TRABD2B: variants seen among roughly 807,000 people sequenced by gnomAD.
TRABD2B encodes metalloprotease TIKI2.
Under a neutral mutation model 40.1 loss-of-function variants are expected in TRABD2B, and 14 were observed. That is an observed-to-expected ratio of 0.35 (90% confidence interval 0.23 to 0.55). TRABD2B has a LOEUF of 0.55. Among genes scored for constraint, TRABD2B ranks in the 20% least tolerant of loss-of-function variants. TRABD2B has a pLI of 0.90. For synonymous variants in TRABD2B, 263 were observed against 277.0 expected (o/e 0.95, Z 0.50); for missense variants, 541 against 648.6 (o/e 0.83, Z 1.80).
Position 47,801,651 on chromosome 1 carries a change from T to C in TRABD2B, c.667-32A>G, listed in dbSNP as rs1381857265. Reference sequence around the variant, plus strand: ...CGAGGAAAGAGAGAGGAATGAGGGCTGTGCTCAGGGACCCTGGCTGAGCTC... The same window carrying C: ...CGAGGAAAGAGAGAGGAATGAGGGCCGTGCTCAGGGACCCTGGCTGAGCTC... On this transcript the variant is annotated intron_variant, in intron 2 of 6. Coordinates refer to ENST00000606738, the MANE Select transcript of TRABD2B (RefSeq NM_001194986.2). The C allele has an allele frequency of 2.6e-6, 4 of 1,532,206 alleles. No homozygotes were observed. The South Asian group carries it at 3.6e-5, about 14-fold the overall frequency. The allele number at this position is 1,532,206 out of a possible 1,614,324, so 94.9% of individuals were successfully genotyped here. A position where few individuals can be genotyped will look rare whatever the true frequency, so the allele number is the denominator to read the frequency against.
chr1:47,943,959 T>C (rs1645224061), intron 2 of TRABD2B, among the ~76,000 whole-genome samples: 1 of 152,194 alleles, frequency 6.6e-6, no homozygotes, highest in African/African-American at 2.4e-5. Context: ...ATGCTGACAA[T>C]AGTCATCTGA....
At chr1:47,787,953 C>A (rs1391751804) in intron 4 of TRABD2B, among the ~76,000 whole-genome samples, 1 of 152,110 alleles carries the variant, frequency 6.6e-6, no homozygotes, top group Non-Finnish European at 1.5e-5. Context: ...CCCAGCAGAA[C>A]AGAGGGCCCA....
intron 2 of TRABD2B, among the ~76,000 whole-genome samples, chr1:47,847,830 G>C (rs536732369): frequency 6.6e-6 from 1 of 152,136 alleles, no homozygotes; most frequent in East Asian, 1.9e-4. Flanking sequence ...TGTAGGAAAC[G>C]GCATATAAAA....
At chr1:47,976,264 C>T (rs565396105) in intron 2 of TRABD2B, among the ~76,000 whole-genome samples, 9 of 152,190 alleles carry the variant, frequency 5.9e-5, no homozygotes, top group Non-Finnish European at 1.2e-4. Context: ...CAACCTTCTA[C>T]CCCTTACACA....
intron 2 of TRABD2B, among the ~76,000 whole-genome samples, chr1:47,861,542 C>A (rs1375408251): frequency 6.6e-6 from 1 of 152,108 alleles, no homozygotes; most frequent in African/African-American, 2.4e-5. Context: ...TTGAAAGACC[C>A]ACAATCTGCC....
chr1:47,965,629 G>C (rs1645591528), intron 2 of TRABD2B, among the ~76,000 whole-genome samples: 1 of 152,168 alleles, frequency 6.6e-6, no homozygotes, highest in African/African-American at 2.4e-5. Context: ...TCTCTGACAA[G>C]GTGCCCAATA....
At chr1:47,794,534 A>C in intron 4 of TRABD2B, 52 bp downstream of exon 4, 2 of 1,468,944 alleles carry the variant, frequency 1.4e-6, no homozygotes, top group Non-Finnish European at 1.8e-6. Context: ...GGGAGAGCCA[A>C]GCAAATCTCC....
intron 2 of TRABD2B, among the ~76,000 whole-genome samples, chr1:47,962,085 C>T (rs2148406612): frequency 6.6e-6 from 1 of 152,116 alleles, no homozygotes; most frequent in East Asian, 1.9e-4. Context: ...AAGCTGGAAA[C>T]CATCATTCTC....
intron 2 of TRABD2B, among the ~76,000 whole-genome samples, chr1:47,986,315 TAG>T (rs1645918251): frequency 6.6e-6 from 1 of 152,114 alleles, no homozygotes; most frequent in Non-Finnish European, 1.5e-5. Context: ...TTCTGAGAAT[TAG>T]AGAGGCCAAG....
intron 4 of TRABD2B, among the ~76,000 whole-genome samples, chr1:47,793,522 C>T (rs780110134): frequency 4.6e-5 from 7 of 152,202 alleles, no homozygotes; most frequent in African/African-American, 9.6e-5. Context: ...ACTGACTGCT[C>T]GCCCTGGAGG....
intron 2 of TRABD2B, among the ~76,000 whole-genome samples, chr1:47,938,635 G>C (rs1053554662): frequency 3.3e-5 from 5 of 152,094 alleles, no homozygotes; most frequent in African/African-American, 1.2e-4. Flanking sequence ...CTGGGATTGA[G>C]AATGGGAAAT....
intron 2 of TRABD2B, among the ~76,000 whole-genome samples, chr1:47,930,041 A>C (rs1645019029): frequency 6.6e-6 from 1 of 152,132 alleles, no homozygotes; most frequent in Admixed American, 6.5e-5. Flanking sequence ...ACACTGTGAG[A>C]CCAACTCTCC....
chr1:47,848,137 T>A (rs1350112135), intron 2 of TRABD2B, among the ~76,000 whole-genome samples: 1 of 152,140 alleles, frequency 6.6e-6, no homozygotes, highest in Non-Finnish European at 1.5e-5. Context: ...GAGAAACACA[T>A]GGAGAGACAG....
In TRABD2B at chr1:47,994,156, C is replaced by T. The variant is rs1180798899; in HGVS notation, c.544G>A (p.Gly182Ser). Reference protein sequence around the residue: ...SLTERDVRFRGVPVLDLYLAQ... With the variant: ...SLTERDVRFRSVPVLDLYLAQ... ...AGGTAGAGGTCGAGCACGGGCACAC[C>T]ACGGAAGCGCACGTCCCTCTCTGTG... is the stretch of plus-strand genomic sequence containing the variant. The change falls in exon 2 of 7, where the codon GGT becomes AGT. Residue 182 changes from glycine (G) to serine (S), a missense_variant. Around this residue, in one of 2 missense-constraint regions of TRABD2B, gnomAD observed 369 missense variants for 492.8 expected, o/e 0.75. Transcript: ENST00000606738. This position sits in a 1 kb window ranked among gnomAD's most constrained non-coding sequence, Gnocchi z 6.7. 3 of 1,536,616 alleles carry T rather than the reference C, an allele frequency of 2.0e-6. No homozygotes were observed. Among genetic ancestry groups the T allele is most frequent in the Non-Finnish European group, 2.6e-6 (3 of 1,147,022 alleles).
chr1:47,799,209 C>T (rs1485659628), intron 3 of TRABD2B, among the ~76,000 whole-genome samples: 6 of 152,234 alleles, frequency 3.9e-5, no homozygotes, highest in Non-Finnish European at 8.8e-5. Flanking sequence ...GTCCTGCACA[C>T]TCCCGCCCTC....
rs1180009571 is a variant in TRABD2B, at chr1:47,834,562, AACAC to A, written c.667-32947_667-32944del. ...TGGATGGGTGTTAAGGATGTGCTCC[AACAC>A]ACACACACACGCGCACACACACACA... On this transcript the variant is annotated intron_variant, in intron 2 of 6. Coordinates refer to ENST00000606738, the MANE Select transcript of TRABD2B (RefSeq NM_001194986.2). Among the ~76,000 whole-genome samples, 354 of 136,516 alleles carry A rather than the reference AACAC, an allele frequency of 2.6e-3. 1 individual carries two copies. Among genetic ancestry groups the A allele is most frequent in the African/African-American group, 9.4e-3 (323 of 34,378 alleles). The allele number at this position is 136,516 out of a possible 152,430, so 89.6% of individuals were successfully genotyped here. A position where few individuals can be genotyped will look rare whatever the true frequency, so the allele number is the denominator to read the frequency against.
At chr1:47,849,440 C>G (rs1402538514) in intron 2 of TRABD2B, among the ~76,000 whole-genome samples, 3 of 152,202 alleles carry the variant, frequency 2.0e-5, no homozygotes, top group African/African-American at 7.2e-5. Flanking sequence ...AAGTACATTC[C>G]TGTTGCTTCG....
At chr1:47,818,452 G>A (rs1645064478) in intron 2 of TRABD2B, 1 of 152,220 alleles carries the variant, frequency 6.6e-6, no homozygotes, top group African/African-American at 2.4e-5. Flanking sequence ...ATGCTCTTGG[G>A]GCACCAGTGT....
intron 2 of TRABD2B, among the ~76,000 whole-genome samples, chr1:47,984,885 TG>T (rs1645898995): frequency 6.6e-6 from 1 of 152,154 alleles, no homozygotes; most frequent in Admixed American, 6.5e-5. Flanking sequence ...AGGAAGCACC[TG>T]GGCAACAGCA....
Sources: gnomAD v4.1 joint callset for allele counts (sites outside exome capture counted in the v4.1 genomes callset) on GRCh38, gnomAD v4.1.1 for gene constraint, gnomAD v4.1.1 regional missense constraint, Gnocchi (gnomAD v3.1) non-coding constraint, MANE v1.5 for transcripts, NCBI Gene and HGNC (gene_info 2026-07-23, HGNC 2026-07-21) for gene names.